RAB38: variants seen among roughly 807,000 people sequenced by gnomAD.
RAB38 encodes RAB38, member RAS oncogene family, also known as ras-related protein Rab-38.
Under a neutral mutation model 18.4 loss-of-function variants are expected in RAB38, and 15 were observed. The ratio of observed to expected loss-of-function variants is 0.82; its 90% CI spans 0.55 to 1.26. The LOEUF is 1.26. Among genes scored for constraint, RAB38 ranks in the 50% most tolerant of loss-of-function variants. The pLI, the probability that RAB38 is intolerant of heterozygous loss-of-function variation, is 0.00. For missense variants in RAB38, 294 were observed against 267.4 expected (o/e 1.10, Z -0.69); for synonymous variants, 101 against 104.4 (o/e 0.97, Z 0.20).
the RAB38 span, among the ~76,000 whole-genome samples, chr11:87,902,986 A>G: frequency 2.6e-5 from 4 of 151,284 alleles, no homozygotes; most frequent in African/African-American, 9.7e-5. Context: ...ACTGTTCTAC[A>G]TACATAATGA....
the RAB38 span, among the ~76,000 whole-genome samples, chr11:87,884,863 G>T: frequency 1.1e-4 from 16 of 151,868 alleles, no homozygotes; most frequent in African/African-American, 3.6e-4. Context: ...CTACAGTTCG[G>T]CAAAATCCCC....
At chr11:88,162,076 T>G (rs1371802975) in intron 1 of RAB38, among the ~76,000 whole-genome samples, 2 of 152,136 alleles carry the variant, frequency 1.3e-5, no homozygotes, top group African/African-American at 4.8e-5. Flanking sequence ...TAATGGCTTG[T>G]GCTGGTTTTG....
chr11:88,050,316 C>T, the RAB38 span: 1 of 152,110 alleles, frequency 6.6e-6, no homozygotes, highest in Non-Finnish European at 1.5e-5. Context: ...CATATAGGAC[C>T]TTATAAGTTA....
At chr11:87,856,686 GCTT>G in the RAB38 span, among the ~76,000 whole-genome samples, 4 of 151,910 alleles carry the variant, frequency 2.6e-5, no homozygotes, top group Non-Finnish European at 5.9e-5. Flanking sequence ...GAGAACCACT[GCTT>G]CTTCTTCTTC....
the RAB38 span, among the ~76,000 whole-genome samples, chr11:87,888,357 T>C: frequency 6.6e-6 from 1 of 152,060 alleles, no homozygotes; most frequent in Non-Finnish European, 1.5e-5. Context: ...TGCAGTATAG[T>C]TGTGAACAGC....
downstream of RAB38, among the ~76,000 whole-genome samples, chr11:88,112,535 G>C (rs911436368): frequency 7.2e-5 from 11 of 152,276 alleles, no homozygotes; most frequent in Non-Finnish European, 1.3e-4. Context: ...CAAGCTGACA[G>C]AGCTACCACG....
the RAB38 span, among the ~76,000 whole-genome samples, chr11:87,955,791 G>C: frequency 6.6e-6 from 1 of 151,578 alleles, no homozygotes; most frequent in African/African-American, 2.4e-5. Context: ...GGTTTTCTAG[G>C]TCACCGTTTT....
chr11:88,022,626 A>AAAAAAAAAAC, the RAB38 span, among the ~76,000 whole-genome samples: 1 of 150,612 alleles, frequency 6.6e-6, no homozygotes, highest in Non-Finnish European at 1.5e-5. Context: ...AAAAAAAAAA[A>AAAAAAAAAAC]AAAAAACAAC....
chr11:87,827,874 T>C, the RAB38 span, among the ~76,000 whole-genome samples: 543 of 152,298 alleles, frequency 3.6e-3, 3 homozygotes, highest in African/African-American at 0.012. Context: ...GTTAGATTTC[T>C]AGAGGGAAAA....
At chr11:87,964,803 C>A in the RAB38 span, among the ~76,000 whole-genome samples, 2 of 152,048 alleles carry the variant, frequency 1.3e-5, no homozygotes, top group African/African-American at 4.8e-5. Context: ...ATTCAGATTA[C>A]AAAAACATAT....
At chr11:87,875,611 G>A in the RAB38 span, among the ~76,000 whole-genome samples, 1 of 151,152 alleles carries the variant, frequency 6.6e-6, no homozygotes. Flanking sequence ...GATGAATATA[G>A]CATTTTTCAT....
intron 1 of RAB38, among the ~76,000 whole-genome samples, chr11:88,162,412 T>C (rs1205632710): frequency 1.3e-5 from 2 of 152,110 alleles, no homozygotes; most frequent in Admixed American, 1.3e-4. Context: ...GCATTCAATA[T>C]GGTCCCCATG....
chr11:87,933,258 TTTG>T, the RAB38 span, among the ~76,000 whole-genome samples: 5 of 152,098 alleles, frequency 3.3e-5, no homozygotes, highest in African/African-American at 7.2e-5. Flanking sequence ...TAGTGGGCTT[TTTG>T]TTGTTGTTGT....
chr11:87,827,459 G>A, the RAB38 span, among the ~76,000 whole-genome samples: 75 of 151,972 alleles, frequency 4.9e-4, no homozygotes, highest in African/African-American at 1.4e-3. Flanking sequence ...TGTTTAAAAT[G>A]TTATTTCCCC....
chr11:87,968,124 G>T, the RAB38 span, among the ~76,000 whole-genome samples: 1 of 152,120 alleles, frequency 6.6e-6, no homozygotes, highest in Admixed American at 6.6e-5. Flanking sequence ...AATACAGAGA[G>T]ATGTTATTTA....
rs368102773 is a variant in RAB38, at chr11:88,171,886, T to C, written c.202+3297A>G. On this transcript the variant is annotated intron_variant, in intron 1 of 2. Transcript: ENST00000243662. ...ATGACCTATTTTTTTAAAAACTCTATAAATTCACATCCTAATCAAGATAAA... is the reference window on the plus strand; with the variant it reads ...ATGACCTATTTTTTTAAAAACTCTACAAATTCACATCCTAATCAAGATAAA... 1.7e-4 allele frequency among the ~76,000 whole-genome samples: 26 copies of C among 152,366 alleles called. No homozygotes were observed. In the East Asian group the frequency reaches 2.1e-3, roughly 12 times the overall value.
chr11:88,075,709 C>T, the RAB38 span, among the ~76,000 whole-genome samples: 1 of 151,944 alleles, frequency 6.6e-6, no homozygotes, highest in East Asian at 1.9e-4. Context: ...GGTTAAACCC[C>T]AGCTCTACAA....
intron 2 of RAB38, among the ~76,000 whole-genome samples, chr11:88,122,195 A>G (rs1942639248): frequency 6.6e-6 from 1 of 152,154 alleles, no homozygotes; most frequent in Non-Finnish European, 1.5e-5. Flanking sequence ...ACTATTCCCG[A>G]GATACATTTT....
chr11:87,891,259 C>T, the RAB38 span, among the ~76,000 whole-genome samples: 2 of 151,752 alleles, frequency 1.3e-5, no homozygotes, highest in Non-Finnish European at 2.9e-5. Context: ...CGAACAGACA[C>T]CCTAAAGAAT....
Sources: gnomAD v4.1 joint callset for allele counts (sites outside exome capture counted in the v4.1 genomes callset) on GRCh38, gnomAD v4.1.1 for gene constraint, MANE v1.5 for transcripts, NCBI Gene and HGNC (gene_info 2026-07-23, HGNC 2026-07-21) for gene names.